CORO1B: variants seen among roughly 807,000 people sequenced by gnomAD.
CORO1B encodes the protein coronin 1B, also known as coronin-1B.
Under a neutral mutation model 51.1 loss-of-function variants are expected in CORO1B, and 30 were observed. That is an observed-to-expected ratio of 0.59 (90% CI 0.44 to 0.80). The LOEUF (loss-of-function observed/expected upper bound fraction) is 0.80, where lower values mean the gene tolerates loss of function less well. Ranked by LOEUF, CORO1B falls within the 30% of genes least tolerant of loss-of-function variation. The pLI is 0.00. For missense variants in CORO1B, 648 were observed against 700.4 expected (o/e 0.93, Z 0.84); for synonymous variants, 310 against 289.7 (o/e 1.07, Z -0.71).
At chr11:67,442,381 G>C (rs938626036) in intron 2 of CORO1B, 47 bp downstream of exon 2, 3 of 1,584,144 alleles carry the variant, frequency 1.9e-6, no homozygotes. Flanking sequence ...AGGCCCAGTA[G>C]GGGTGGCCGA....
upstream of CORO1B, chr11:67,443,664 A>G (rs1864441330): frequency 1.1e-6 from 1 of 910,864 alleles, no homozygotes; most frequent in Non-Finnish European, 1.3e-6. Context: ...GAGCGCCCCC[A>G]CCGCAGCTCC....
At chr11:67,439,880 A>ACCCCCCCCCCCCC in intron 8 of CORO1B, 37 bp from the exon 9 acceptor site, 1 of 1,543,308 alleles carries the variant, frequency 6.5e-7, no homozygotes, top group Non-Finnish European at 8.8e-7. Flanking sequence ...TGGAACCCTC[A>ACCCCCCCCCCCCC]CCGCCCCCCC....
chr11:67,436,511 T>C lies in CORO1B; in HGVS notation c.*1865A>G, dbSNP rs888882538. 1.1e-5 allele frequency: 9 copies of C among 824,306 alleles called. No individual in the cohort carries two copies. In the Admixed American group the frequency reaches 2.5e-4, roughly 23 times the overall value. 51.1% of individuals were successfully genotyped at this position (824,306 alleles called of 1,614,324 possible). A position where few individuals can be genotyped will look rare whatever the true frequency, so the allele number is the denominator to read the frequency against. ...AGGCCTTATTTGGTCAACCAGGCTCTGGCCCTGTGAGATCAGCCCCCATCC... is the reference window on the plus strand; with the variant it reads ...AGGCCTTATTTGGTCAACCAGGCTCCGGCCCTGTGAGATCAGCCCCCATCC... On this transcript the variant is annotated 3_prime_UTR_variant, in exon 11 of 11. Coordinates refer to ENST00000341356, the MANE Select transcript of CORO1B (RefSeq NM_020441.3).
intron 9 of CORO1B, among the ~76,000 whole-genome samples, 195 bp from the exon 10 acceptor site, chr11:67,439,144 G>A (rs1864349059): frequency 6.6e-6 from 1 of 152,184 alleles, no homozygotes; most frequent in African/African-American, 2.4e-5. Context: ...TCTGAGCAAG[G>A]CCCCTGTCAT....
chr11:67,440,589 G>A (rs1864375925), intron 6 of CORO1B, 150 bp from the exon 7 acceptor site: 1 of 757,404 alleles, frequency 1.3e-6, no homozygotes, highest in Non-Finnish European at 2.3e-6. Context: ...TTTCCCACAT[G>A]ACGACCCCCA....
rs372523755 is a variant in CORO1B, at chr11:67,438,409, C to T, written c.1437G>A (p.Glu479=). 3 of 1,609,966 alleles carry T rather than the reference C, an allele frequency of 1.9e-6. No individual in the cohort carries two copies. The highest frequency in any genetic ancestry group is 2.5e-6 in the Non-Finnish European group (3 of 1,177,868). The change falls in exon 11 of 11, where the codon GAG becomes GAA. Residue 479 remains glutamate (E), a synonymous_variant. Coordinates refer to ENST00000341356, the MANE Select transcript of CORO1B (RefSeq NM_020441.3). ...CCCCGTTCTCCATGCGGCCCAGCTG[C>T]TCCTCCAGGCGGCAGATGCGGTCGC... is the stretch of plus-strand genomic sequence containing the variant. ...EQGDRICRLE[E]QLGRMENGDA
In CORO1B at chr11:67,438,791, C is replaced by T; in HGVS notation, c.1224G>A (p.Arg408=). ...PSKQRDLKIS[R]RNVLSDSRPA... is the part of the protein sequence containing the mutation. Reference sequence around the variant, plus strand: ...GCCGGCTGTCAGACAACACGTTGCGCCGGCTGATCTTCAGGTCCCGCTGCT... The same window carrying T: ...GCCGGCTGTCAGACAACACGTTGCGTCGGCTGATCTTCAGGTCCCGCTGCT... Residue 408 remains arginine, a synonymous_variant, in exon 10 of 11, where the codon CGG becomes CGA. Transcript: ENST00000341356. 6.2e-7 allele frequency: 1 copy of T among 1,600,858 alleles called. No individual in the cohort carries two copies. The highest frequency in any genetic ancestry group is 8.5e-7 in the Non-Finnish European group (1 of 1,175,978).
chr11:67,439,877 C>G (rs1413695834), intron 8 of CORO1B, 34 bp from the exon 9 acceptor site: 6 of 1,549,544 alleles, frequency 3.9e-6, no homozygotes, highest in Non-Finnish European at 5.2e-6. Flanking sequence ...GGGTGGAACC[C>G]TCACCGCCCC....
rs34026289 is a variant in CORO1B, at chr11:67,438,776, A to G, written c.1239T>C (p.Ser413=). The part of the protein sequence containing the change: ...DLKISRRNVL[S]DSRPAMAPGS... ...CCGGGGCCATGGCGGGCCGGCTGTC[A>G]GACAACACGTTGCGCCGGCTGATCT... Residue 413 remains serine (S), a synonymous_variant, in exon 10 of 11, where the codon TCT becomes TCC. Transcript: ENST00000341356. 72 of 1,588,922 alleles carry G rather than the reference A, an allele frequency of 4.5e-5. No individual in the cohort carries two copies. The highest frequency in any genetic ancestry group is 5.7e-5 in the Non-Finnish European group (67 of 1,170,780).
In CORO1B at chr11:67,438,725, G is replaced by C; in HGVS notation, c.1290C>G (p.Ala430=). ...TGGCATCAGCAGCAGTGGTGGTGGA[G>C]GCGGGGGCCCCTAGGTGGGAGGAGC... ...APGSSHLGAP[A]STTTAADATP... is the part of the protein sequence containing the mutation. The change falls in exon 10 of 11, where the codon GCC becomes GCG. Residue 430 remains alanine, a synonymous_variant. Coordinates refer to ENST00000341356, the MANE Select transcript of CORO1B (RefSeq NM_020441.3). 6.4e-7 allele frequency: 1 copy of C among 1,552,114 alleles called. No individual in the cohort carries two copies. The highest frequency in any genetic ancestry group is 8.7e-7 in the Non-Finnish European group (1 of 1,152,930).
At position 67,435,868 on chromosome 11, in the gene CORO1B, G is replaced by A. The variant is rs748966665; in HGVS notation, c.*2508C>T. On this transcript the variant is annotated 3_prime_UTR_variant, in exon 11 of 11. Coordinates refer to ENST00000341356, the MANE Select transcript of CORO1B (RefSeq NM_020441.3). ...CCCCTGCGCTCGCTGGTCCTGGGGA[G>A]CCGAGGACCAGGTCGCCCTCCGTGT... The A allele has an allele frequency of 6.2e-7, 1 of 1,610,850 alleles. No individual in the cohort carries two copies. The highest frequency in any genetic ancestry group is 8.5e-7 in the Non-Finnish European group (1 of 1,179,488).
At position 67,438,473 on chromosome 11, in the gene CORO1B, T is replaced by A. The variant is rs1267484939; in HGVS notation, c.1373A>T (p.Gln458Leu). ...GEAGKLEEVM[Q>L]ELRALRALVK... ...CAGCGCCCTCAGGGCCCGCAGCTCC[T>A]GCATCACCTCCTCCAGCTTCCCAGC... Residue 458 changes from glutamine (Q) to leucine (L), a missense_variant, in exon 11 of 11, where the codon CAG becomes CTG. Coordinates refer to ENST00000341356, the MANE Select transcript of CORO1B (RefSeq NM_020441.3). 1 of 1,610,338 alleles carries A rather than the reference T, an allele frequency of 6.2e-7. No homozygotes were observed. The highest frequency in any genetic ancestry group is 1.1e-5 in the South Asian group (1 of 90,986).
At position 67,436,399 on chromosome 11, in the gene CORO1B, C is replaced by T. The variant is rs1864280794; in HGVS notation, c.*1977G>A. 2.1e-6 allele frequency: 3 copies of T among 1,425,296 alleles called. No individual in the cohort carries two copies. Among genetic ancestry groups the T allele is most frequent in the Non-Finnish European group, 2.7e-6 (3 of 1,093,806 alleles). The allele number at this position is 1,425,296 out of a possible 1,614,324, so 88.3% of individuals were successfully genotyped here. Reference sequence around the variant, plus strand: ...AGAGGGCTCAGCACCTGGGGTGGGGCCTGGTGTGGGGCAGGCTGGGTGACC... The same window carrying T: ...AGAGGGCTCAGCACCTGGGGTGGGGTCTGGTGTGGGGCAGGCTGGGTGACC... On this transcript the variant is annotated 3_prime_UTR_variant, in exon 11 of 11. Coordinates refer to ENST00000341356, the MANE Select transcript of CORO1B (RefSeq NM_020441.3).
intron 2 of CORO1B, 79 bp from the exon 3 acceptor site, chr11:67,442,167 A>G: frequency 6.3e-7 from 1 of 1,575,908 alleles, no homozygotes; most frequent in Non-Finnish European, 8.6e-7. Context: ...TGGGAATGAC[A>G]TGCACGTCCC....
At position 67,440,365 on chromosome 11, in the gene CORO1B, G is replaced by A. The variant is rs746032302; in HGVS notation, c.831C>T (p.Pro277=). The part of the protein sequence containing the change: ...SNGALLPFYD[P]DTSVVYVCGK... Reference sequence around the variant, plus strand: ...CGCAGACGTAGACCACACTGGTGTCGGGGTCGTAGAAGGGCAGCAGGGCCC... The same window carrying A: ...CGCAGACGTAGACCACACTGGTGTCAGGGTCGTAGAAGGGCAGCAGGGCCC... Residue 277 remains proline (P), a synonymous_variant, in exon 7 of 11, where the codon CCC becomes CCT. Coordinates refer to ENST00000341356, the MANE Select transcript of CORO1B (RefSeq NM_020441.3). 56 of 1,613,714 alleles carry A rather than the reference G, an allele frequency of 3.5e-5. No individual in the cohort carries two copies. Among genetic ancestry groups the A allele is most frequent in the African/African-American group, 4.0e-5 (3 of 74,924 alleles).
Position 67,438,420 on chromosome 11 carries a change from G to A in CORO1B, c.1426C>T (p.Arg476Cys), listed in dbSNP as rs766589867. ...LVKEQGDRIC[R>C]LEEQLGRMEN... is the part of the protein sequence containing the mutation. Reference sequence around the variant, plus strand: ...ATGCGGCCCAGCTGCTCCTCCAGGCGGCAGATGCGGTCGCCCTGCTCCTTG... The same window carrying A: ...ATGCGGCCCAGCTGCTCCTCCAGGCAGCAGATGCGGTCGCCCTGCTCCTTG... The change falls in exon 11 of 11, where the codon CGC (arginine) becomes TGC (cysteine). Residue 476 changes from arginine to cysteine, a missense_variant. Transcript: ENST00000341356. The A allele has an allele frequency of 8.7e-6, 14 of 1,610,108 alleles. No individual in the cohort carries two copies. The highest frequency in any genetic ancestry group is 2.2e-5 in the East Asian group (1 of 44,778).
intron 2 of CORO1B, 44 bp from the exon 3 acceptor site, chr11:67,442,132 A>G (rs975987715): frequency 2.5e-6 from 4 of 1,594,256 alleles, no homozygotes; most frequent in Non-Finnish European, 3.4e-6. Flanking sequence ...TCCCTCCCGA[A>G]GCCTTGGTCT....
At chr11:67,443,014 G>C (rs1864428558) in intron 1 of CORO1B, among the ~76,000 whole-genome samples, 1 of 152,174 alleles carries the variant, frequency 6.6e-6, no homozygotes, top group Non-Finnish European at 1.5e-5. Context: ...GAGATTTGGA[G>C]GCTAGGTAAT....
At position 67,438,398 on chromosome 11, in the gene CORO1B, C is replaced by CGGCCCAGCTGCTCCTCCA; in HGVS notation, c.1430_1447dup (p.Leu477_Gly482dup). The CGGCCCAGCTGCTCCTCCA allele has an allele frequency of 1.2e-6, 2 of 1,607,844 alleles. No individual in the cohort carries two copies. The highest frequency in any genetic ancestry group is 1.7e-6 in the Non-Finnish European group (2 of 1,176,584). On this transcript the variant is annotated inframe_insertion, in exon 11 of 11. Transcript: ENST00000341356. ...GCCCTACGCATCCCCGTTCTCCATGCGGCCCAGCTGCTCCTCCAGGCGGCA... is the reference window on the plus strand; with the variant it reads ...GCCCTACGCATCCCCGTTCTCCATGCGGCCCAGCTGCTCCTCCAGGCCCAGCTGCTCCTCCAGGCGGCA...
Sources: allele counts gnomAD v4.1 joint callset (sites outside exome capture counted in the v4.1 genomes callset), GRCh38; gene constraint gnomAD v4.1.1; transcripts MANE v1.5; gene names NCBI Gene and HGNC (gene_info 2026-07-23, HGNC 2026-07-21).